The following ERC2 variants were observed in gnomAD, a reference collection of about 807,000 sequenced individuals.
ERC2 encodes ERC protein 2.
A neutral mutation model predicts 114.8 loss-of-function variants in ERC2; 42 were observed. The observed-to-expected ratio is 0.37, with a 90% confidence interval of 0.29 to 0.47. The LOEUF (loss-of-function observed/expected upper bound fraction) is 0.47. Among genes scored for constraint, ERC2 ranks in the 20% least tolerant of loss-of-function variants. The pLI is 0.99. For synonymous variants in ERC2, 454 were observed against 425.5 expected (o/e 1.07, Z -0.82); for missense variants, 939 against 1,150.7 (o/e 0.82, Z 2.66).
chr3:56,017,116 G>A (rs903774368), intron 8 of ERC2, among the ~76,000 whole-genome samples: 11 of 152,106 alleles, frequency 7.2e-5, no homozygotes, highest in Non-Finnish European at 1.2e-4. Context: ...CAATAACATG[G>A]GCCTAAAAAC....
At chr3:55,514,482 T>C (rs959913323) in intron 17 of ERC2, among the ~76,000 whole-genome samples, 1 of 151,886 alleles carries the variant, frequency 6.6e-6, no homozygotes, top group Admixed American at 6.6e-5. Context: ...TGGATCTGAG[T>C]GGACCTAATT....
intron 6 of ERC2, among the ~76,000 whole-genome samples, chr3:56,129,693 C>T (rs2080091425): frequency 6.6e-6 from 1 of 152,164 alleles, no homozygotes; most frequent in Admixed American, 6.5e-5. Context: ...GTCGCTTCCA[C>T]TTGCAGCTTA....
At chr3:56,268,428 C>A (rs2150286560) in intron 3 of ERC2, among the ~76,000 whole-genome samples, 1 of 151,974 alleles carries the variant, frequency 6.6e-6, no homozygotes. Context: ...TGTTGTATAC[C>A]TTATATTTAT....
chr3:56,302,378 G>A (rs2055939558), intron 2 of ERC2, among the ~76,000 whole-genome samples: 1 of 152,044 alleles, frequency 6.6e-6, no homozygotes, highest in African/African-American at 2.4e-5. Context: ...CATGTCACCG[G>A]GTCCTATCCA....
At chr3:55,725,192 A>G (rs1334282795) in intron 15 of ERC2, among the ~76,000 whole-genome samples, 1 of 152,236 alleles carries the variant, frequency 6.6e-6, no homozygotes, top group Admixed American at 6.5e-5. Flanking sequence ...TCTGAAATTT[A>G]AAAATCAGAG....
At chr3:55,548,647 C>T (rs2107394753) in intron 17 of ERC2, among the ~76,000 whole-genome samples, 1 of 152,288 alleles carries the variant, frequency 6.6e-6, no homozygotes, top group East Asian at 1.9e-4. Context: ...CTCTGTCTAC[C>T]CCAGTTCTGA....
chr3:56,307,828 GCACA>G (rs10576433), intron 2 of ERC2, among the ~76,000 whole-genome samples: 89,879 of 147,276 alleles, frequency 0.61, 27,528 homozygotes, highest in East Asian at 0.82. Flanking sequence ...ACACACACTT[GCACA>G]CACACACACA....
At chr3:56,371,575 CA>C (rs1227172464) in intron 2 of ERC2, among the ~76,000 whole-genome samples, 2 of 152,200 alleles carry the variant, frequency 1.3e-5, no homozygotes, top group Non-Finnish European at 2.9e-5. Flanking sequence ...TGCATGCACA[CA>C]CAGTTAAAAA....
chr3:56,220,376 C>T (rs950548690), intron 3 of ERC2, among the ~76,000 whole-genome samples: 2 of 152,148 alleles, frequency 1.3e-5, no homozygotes, highest in Non-Finnish European at 2.9e-5. Flanking sequence ...CAATATGGGT[C>T]TGCTGGGTTT....
intron 14 of ERC2, among the ~76,000 whole-genome samples, chr3:55,753,203 A>G (rs1322592873): frequency 6.6e-6 from 1 of 152,116 alleles, no homozygotes; most frequent in African/African-American, 2.4e-5. Flanking sequence ...AAGGGGAGAG[A>G]AGTCTGAACC....
rs555427829 is a variant in ERC2, at chr3:55,685,685, C to T, written c.2848-1826G>A. ...ATATGTCTCTGGATGGAGGCCCTAG[C>T]TTTCATCATATGATTCTTGACCCCC... On this transcript the variant is annotated intron_variant, in intron 16 of 17. Transcript: ENST00000288221. 8.6e-4 allele frequency among the ~76,000 whole-genome samples: 131 copies of T among 152,176 alleles called. 1 individual carries two copies. The highest frequency in any genetic ancestry group is 1.2e-3 in the South Asian group (6 of 4,822).
chr3:56,430,679 C>G (rs1466927082), intron 2 of ERC2, among the ~76,000 whole-genome samples: 1 of 151,926 alleles, frequency 6.6e-6, no homozygotes, highest in African/African-American at 2.4e-5. Context: ...GTCCCAGCTA[C>G]TAGGGAGGCT....
In ERC2 at chr3:55,729,837, C is replaced by CAAAAAAAAAAAAAAAAAAAAAA. The variant is rs71096498; in HGVS notation, c.2712+4912_2712+4933dup. 8.4e-4 allele frequency among the ~76,000 whole-genome samples: 52 copies of CAAAAAAAAAAAAAAAAAAAAAA among 61,630 alleles called. 10 individuals are homozygous for CAAAAAAAAAAAAAAAAAAAAAA. Among genetic ancestry groups the CAAAAAAAAAAAAAAAAAAAAAA allele is most frequent in the African/African-American group, 3.6e-3 (42 of 11,684 alleles). 40.4% of individuals were successfully genotyped at this position (61,630 alleles called of 152,430 possible). Reference sequence around the variant, plus strand: ...AGGGTAATGCAGTGAGACTCTATCGCAAAAAAAAAAAAAAAAAAAAAAAAA... The same window carrying CAAAAAAAAAAAAAAAAAAAAAA: ...AGGGTAATGCAGTGAGACTCTATCGCAAAAAAAAAAAAAAAAAAAAAAAAAAAAAAAAAAAAAAAAAAAAAAA... On this transcript the variant is annotated intron_variant, in intron 15 of 17. Transcript: ENST00000288221.
intron 3 of ERC2, among the ~76,000 whole-genome samples, chr3:56,275,823 A>T (rs2053952597): frequency 1.3e-5 from 2 of 152,130 alleles, no homozygotes; most frequent in Admixed American, 6.5e-5. Flanking sequence ...GACATTTTTG[A>T]TTGACATGAC....
intron 6 of ERC2, among the ~76,000 whole-genome samples, chr3:56,081,397 T>G (rs879472377): frequency 5.9e-5 from 9 of 152,106 alleles, no homozygotes; most frequent in Non-Finnish European, 8.8e-5. Context: ...CAATGAGCCA[T>G]GCCATGGACA....
chr3:55,894,326 T>C (rs2063744811), intron 13 of ERC2, among the ~76,000 whole-genome samples: 1 of 152,212 alleles, frequency 6.6e-6, no homozygotes, highest in Admixed American at 6.5e-5. Context: ...TAAACATGTA[T>C]TAAGCATTAC....
At chr3:56,019,286 G>A (rs953631001) in intron 7 of ERC2, among the ~76,000 whole-genome samples, 2 of 152,060 alleles carry the variant, frequency 1.3e-5, no homozygotes, top group South Asian at 2.1e-4. Flanking sequence ...TGACACGTAC[G>A]TAATCACTAT....
At chr3:56,036,164 T>C (rs531036980) in intron 7 of ERC2, among the ~76,000 whole-genome samples, 1 of 152,172 alleles carries the variant, frequency 6.6e-6, no homozygotes, top group Non-Finnish European at 1.5e-5. Context: ...TATCCTTTCA[T>C]GATAAAGACT....
At chr3:56,193,561 G>A (rs900833652) in intron 3 of ERC2, among the ~76,000 whole-genome samples, 2 of 151,970 alleles carry the variant, frequency 1.3e-5, no homozygotes, top group African/African-American at 4.8e-5. Flanking sequence ...AAGATCGTGA[G>A]TAATTTTCAA....
Sources: gnomAD v4.1 joint callset for allele counts (sites outside exome capture counted in the v4.1 genomes callset) on GRCh38, gnomAD v4.1.1 for gene constraint, MANE v1.5 for transcripts, NCBI Gene and HGNC (gene_info 2026-07-23, HGNC 2026-07-21) for gene names.